The following ITFG1 variants were observed in gnomAD, a reference collection of about 807,000 sequenced individuals.
ITFG1 encodes integrin alpha FG-GAP repeat containing 1.
A neutral mutation model predicts 81.8 loss-of-function variants in ITFG1; 34 were observed. The observed-to-expected ratio is 0.42, with a 90% CI of 0.32 to 0.55. ITFG1 has a LOEUF of 0.55. Among genes scored for constraint, ITFG1 ranks in the 20% least tolerant of loss-of-function variants. The pLI is 0.17. For missense variants in ITFG1, 672 were observed against 755.4 expected (o/e 0.89, Z 1.29); for synonymous variants, 285 against 270.6 (o/e 1.05, Z -0.52).
chr16:47,386,172 G>T (rs987513109), intron 6 of ITFG1, among the ~76,000 whole-genome samples: 1 of 152,000 alleles, frequency 6.6e-6, no homozygotes, highest in Non-Finnish European at 1.5e-5. Context: ...CATAACTGGG[G>T]GAAATTATTA....
chr16:47,380,517 G>C (rs1968383076), intron 6 of ITFG1, among the ~76,000 whole-genome samples: 1 of 152,212 alleles, frequency 6.6e-6, no homozygotes, highest in South Asian at 2.1e-4. Context: ...TCTGAATTAA[G>C]TCAAGGACCT....
At chr16:47,321,539 G>C (rs1174057621) in intron 8 of ITFG1, among the ~76,000 whole-genome samples, 2 of 152,078 alleles carry the variant, frequency 1.3e-5, no homozygotes, top group African/African-American at 4.8e-5. Context: ...TCTCACAAAA[G>C]TACAGAATGG....
intron 6 of ITFG1, among the ~76,000 whole-genome samples, chr16:47,416,388 T>C (rs1398023868): frequency 1.3e-5 from 2 of 152,340 alleles, no homozygotes; most frequent in East Asian, 1.9e-4. Flanking sequence ...TGAGAATTCA[T>C]ACATTACTTG....
At chr16:47,180,657 T>C (rs1401701543) in intron 14 of ITFG1, among the ~76,000 whole-genome samples, 4 of 152,304 alleles carry the variant, frequency 2.6e-5, no homozygotes, top group South Asian at 4.1e-4. Context: ...GGTGCCGGGA[T>C]TGCAGACGGA....
chr16:47,308,751 A>G (rs934615556), intron 10 of ITFG1, among the ~76,000 whole-genome samples: 4 of 152,136 alleles, frequency 2.6e-5, no homozygotes, highest in African/African-American at 9.7e-5. Context: ...TGATACTCAG[A>G]CTTCTGAGTG....
chr16:47,395,215 T>C (rs1440266629), intron 6 of ITFG1, among the ~76,000 whole-genome samples: 1 of 152,154 alleles, frequency 6.6e-6, no homozygotes, highest in African/African-American at 2.4e-5. Context: ...CCTAACTAGA[T>C]AAGAATTCAA....
chr16:47,255,808 C>A (rs1192375540), intron 12 of ITFG1, among the ~76,000 whole-genome samples: 1 of 151,966 alleles, frequency 6.6e-6, no homozygotes, highest in African/African-American at 2.4e-5. Flanking sequence ...GTGAATGACA[C>A]AAATAAATAA....
At chr16:47,377,022 GAA>G (rs1266276949) in intron 6 of ITFG1, among the ~76,000 whole-genome samples, 1 of 137,588 alleles carries the variant, frequency 7.3e-6, no homozygotes, top group African/African-American at 2.7e-5. Context: ...CATGACTACT[GAA>G]AAAAAGAGTT....
chr16:47,438,436 C>A (rs191620791), intron 5 of ITFG1, among the ~76,000 whole-genome samples: 27 of 152,322 alleles, frequency 1.8e-4, no homozygotes, highest in Non-Finnish European at 2.9e-4. Flanking sequence ...AGGCACCCCC[C>A]AGTAGGGGTG....
At chr16:47,247,729 A>G (rs909878384) in intron 12 of ITFG1, among the ~76,000 whole-genome samples, 2 of 152,120 alleles carry the variant, frequency 1.3e-5, no homozygotes, top group African/African-American at 4.8e-5. Context: ...TAAACCTTAT[A>G]AATTATTTCA....
intron 14 of ITFG1, among the ~76,000 whole-genome samples, chr16:47,204,763 G>T (rs912856589): frequency 6.6e-6 from 1 of 152,170 alleles, no homozygotes; most frequent in Non-Finnish European, 1.5e-5. Context: ...ATACTCAAGT[G>T]CCCCAGTCTT....
chr16:47,156,295 T>C (rs1263979564), intron 17 of ITFG1, among the ~76,000 whole-genome samples: 1 of 152,048 alleles, frequency 6.6e-6, no homozygotes, highest in Non-Finnish European at 1.5e-5. Context: ...AAAAATTAGC[T>C]GAGTGTGGTG....
intron 8 of ITFG1, among the ~76,000 whole-genome samples, chr16:47,358,591 TGA>T (rs1968070611): frequency 6.6e-6 from 1 of 152,228 alleles, no homozygotes; most frequent in Non-Finnish European, 1.5e-5. Context: ...GCAAAAGTAA[TGA>T]TATGTTAATC....
chr16:47,310,172 C>T (rs997705618), intron 10 of ITFG1, among the ~76,000 whole-genome samples: 1 of 152,206 alleles, frequency 6.6e-6, no homozygotes, highest in Non-Finnish European at 1.5e-5. Context: ...AGTTAACGTA[C>T]AGACTCTCCC....
intron 10 of ITFG1, among the ~76,000 whole-genome samples, chr16:47,297,784 A>T (rs1224421377): frequency 6.6e-6 from 1 of 152,088 alleles, no homozygotes; most frequent in African/African-American, 2.4e-5. Context: ...TGTTGACTTT[A>T]TACAGTTTGA....
chr16:47,360,156 TTGAC>T (rs1276103418), intron 8 of ITFG1, among the ~76,000 whole-genome samples: 6 of 152,120 alleles, frequency 3.9e-5, no homozygotes, highest in East Asian at 1.9e-4. Flanking sequence ...AACATGCTAT[TTGAC>T]TGAGCTATTT....
chr16:47,162,674 T>G lies in ITFG1; in HGVS notation c.1454-10A>C. ...TGGCTGAGTTGGCCAGCTAGAGTTA[T>G]TCAATTAAAAAAAAATTAAAAACAT... On this transcript the variant is annotated splice_polypyrimidine_tract_variant and intron_variant, in intron 14 of 17. Coordinates refer to ENST00000320640, the MANE Select transcript of ITFG1 (RefSeq NM_030790.5). 6.4e-6 allele frequency: 10 copies of G among 1,570,018 alleles called. No homozygotes were observed. Among genetic ancestry groups the G allele is most frequent in the Non-Finnish European group, 8.6e-6 (10 of 1,163,518 alleles).
chr16:47,421,785 CG>C (rs1968953562), intron 6 of ITFG1, among the ~76,000 whole-genome samples: 1 of 152,080 alleles, frequency 6.6e-6, no homozygotes, highest in Admixed American at 6.6e-5. Context: ...CCCATCAACT[CG>C]TCATTTACAT....
intron 10 of ITFG1, among the ~76,000 whole-genome samples, chr16:47,275,369 C>G (rs1198652226): frequency 6.6e-6 from 1 of 151,988 alleles, no homozygotes; most frequent in African/African-American, 2.4e-5. Context: ...ATAATGCTAT[C>G]AAGTAAATAC....
Sources: allele counts gnomAD v4.1 joint callset (sites outside exome capture counted in the v4.1 genomes callset), GRCh38; gene constraint gnomAD v4.1.1; transcripts MANE v1.5; gene names NCBI Gene and HGNC (gene_info 2026-07-23, HGNC 2026-07-21).